ROBO2: variants seen among roughly 807,000 people sequenced by gnomAD.
The protein encoded by ROBO2 is roundabout homolog 2.
In ROBO2, 53 loss-of-function variants were observed where a neutral mutation model predicts 160.8. The ratio of observed to expected loss-of-function variants is 0.33; its 90% CI spans 0.26 to 0.41. The LOEUF is 0.41. Ranked by LOEUF, ROBO2 falls within the 10% of genes least tolerant of loss-of-function variation. The pLI is 1.00. For synonymous variants in ROBO2, 664 were observed against 611.7 expected (o/e 1.09, Z -1.26); for missense variants, 1,577 against 1,722.4 (o/e 0.92, Z 1.49).
intron 2 of ROBO2, among the ~76,000 whole-genome samples, chr3:77,426,991 A>T (rs1443131105): frequency 1.3e-5 from 2 of 152,190 alleles, no homozygotes; most frequent in Non-Finnish European, 2.9e-5. Flanking sequence ...TCCTTTTAAA[A>T]TTTGCTAACA....
chr3:76,560,951 T>C (rs1047910904), intron 2 of ROBO2, among the ~76,000 whole-genome samples: 1 of 145,394 alleles, frequency 6.9e-6, no homozygotes, highest in African/African-American at 2.5e-5. Flanking sequence ...TATATATATA[T>C]ATATATATAT....
chr3:76,863,614 C>T (rs528729190), intron 2 of ROBO2, among the ~76,000 whole-genome samples: 1 of 152,082 alleles, frequency 6.6e-6, no homozygotes, highest in South Asian at 2.1e-4. Flanking sequence ...TATCTGTCTT[C>T]TCTCTTAGAC....
chr3:77,597,213 C>G (rs140108293), intron 19 of ROBO2, among the ~76,000 whole-genome samples: 9 of 151,906 alleles, frequency 5.9e-5, no homozygotes, highest in Non-Finnish European at 1.2e-4. Context: ...TATAATATGT[C>G]ATGTAAGAAA....
At chr3:77,282,556 A>C (rs2060309848) in intron 2 of ROBO2, among the ~76,000 whole-genome samples, 1 of 152,056 alleles carries the variant, frequency 6.6e-6, no homozygotes, top group Admixed American at 6.6e-5. Flanking sequence ...ATAGAAGTAC[A>C]AATTTTGTAT....
chr3:77,468,365 A>T (rs1451790022), intron 2 of ROBO2, among the ~76,000 whole-genome samples: 1 of 152,216 alleles, frequency 6.6e-6, no homozygotes, highest in Non-Finnish European at 1.5e-5. Context: ...TTGCAGTGCC[A>T]CATGTGATCC....
chr3:76,533,472 A>G (rs538742070), intron 2 of ROBO2, among the ~76,000 whole-genome samples: 26 of 152,376 alleles, frequency 1.7e-4, no homozygotes, highest in Middle Eastern at 3.4e-3. Context: ...GATGCACATC[A>G]TATTAGAATT....
chr3:77,003,839 C>G (rs1047576550), intron 2 of ROBO2, among the ~76,000 whole-genome samples: 1 of 152,070 alleles, frequency 6.6e-6, no homozygotes, highest in Non-Finnish European at 1.5e-5. Context: ...GCCACCACGC[C>G]CAGCCGACAT....
At chr3:76,005,113 G>C (rs2065984311) in intron 2 of ROBO2, among the ~76,000 whole-genome samples, 1 of 152,124 alleles carries the variant, frequency 6.6e-6, no homozygotes, top group African/African-American at 2.4e-5. Context: ...TTTGCATCTT[G>C]GATTTTCTGG....
intron 2 of ROBO2, among the ~76,000 whole-genome samples, chr3:76,146,564 T>G (rs537153744): frequency 1.1e-3 from 171 of 151,884 alleles, no homozygotes; most frequent in African/African-American, 4.0e-3. Context: ...TATCTTAAAG[T>G]CAATTTATTG....
chr3:77,049,179 A>T (rs1004649122), intron 1 of ROBO2, among the ~76,000 whole-genome samples: 3 of 152,024 alleles, frequency 2.0e-5, no homozygotes, highest in African/African-American at 7.2e-5. Flanking sequence ...AAAGAAAAAA[A>T]GTTAGCTGGG....
intron 2 of ROBO2, among the ~76,000 whole-genome samples, chr3:76,758,176 A>G (rs918899758): frequency 6.6e-6 from 1 of 151,864 alleles, no homozygotes; most frequent in Non-Finnish European, 1.5e-5. Flanking sequence ...ATGCATTGAC[A>G]AGGAAAATAG....
rs74978426 is a variant in ROBO2 at position 76,618,754 on chromosome 3, T to C, written c.110-479260T>C. ...ATTACATTTAATCACAATTGACGGA[T>C]CCTGATAAAAAGTGAATACATGGAT... On this transcript the variant is annotated intron_variant, in intron 2 of 26. Coordinates refer to the ROBO2 transcript ENST00000487694. Among the ~76,000 whole-genome samples, 1,105 of 151,886 alleles carry C rather than the reference T, an allele frequency of 7.3e-3. 33 individuals carry two copies. Among genetic ancestry groups the C allele is most frequent in the African/African-American group, 0.026 (1,054 of 41,258 alleles).
At chr3:77,004,540 A>G (rs769133749) in intron 2 of ROBO2, among the ~76,000 whole-genome samples, 1 of 152,178 alleles carries the variant, frequency 6.6e-6, no homozygotes, top group Non-Finnish European at 1.5e-5. Flanking sequence ...TGGTATTTCT[A>G]ACTTATCCAG....
chr3:76,850,569 A>T (rs1262198719), intron 2 of ROBO2, among the ~76,000 whole-genome samples: 1 of 152,114 alleles, frequency 6.6e-6, no homozygotes, highest in Non-Finnish European at 1.5e-5. Flanking sequence ...TCCTCATGGG[A>T]ATAAGTTCTA....
intron 2 of ROBO2, chr3:77,317,339 C>T: frequency 1.2e-6 from 1 of 802,708 alleles, no homozygotes; most frequent in South Asian, 1.5e-5. Flanking sequence ...CACGTGCAAG[C>T]TGACCGTCCA....
chr3:77,312,221 T>A (rs1379537351), intron 2 of ROBO2, among the ~76,000 whole-genome samples: 1 of 152,190 alleles, frequency 6.6e-6, no homozygotes, highest in African/African-American at 2.4e-5. Context: ...AGATACTACA[T>A]AAATAAAAAC....
chr3:76,836,316 G>C (rs2067685538), intron 2 of ROBO2, among the ~76,000 whole-genome samples: 1 of 151,536 alleles, frequency 6.6e-6, no homozygotes, highest in African/African-American at 2.4e-5. Flanking sequence ...ACAATGACTT[G>C]TTCAATTAAA....
At chr3:77,075,305 A>G (rs1475010581) in intron 1 of ROBO2, among the ~76,000 whole-genome samples, 1 of 152,216 alleles carries the variant, frequency 6.6e-6, no homozygotes, top group Non-Finnish European at 1.5e-5. Flanking sequence ...GGGATACTTC[A>G]GATGAAAATA....
intron 4 of ROBO2, among the ~76,000 whole-genome samples, chr3:77,492,418 T>A (rs2086240651): frequency 6.6e-6 from 1 of 152,194 alleles, no homozygotes; most frequent in Non-Finnish European, 1.5e-5. Context: ...GGATACAGAC[T>A]TATTTTTCTC....
Sources: allele counts gnomAD v4.1 joint callset (sites outside exome capture counted in the v4.1 genomes callset), GRCh38; gene constraint gnomAD v4.1.1; transcripts MANE v1.5; gene names NCBI Gene and HGNC (gene_info 2026-07-23, HGNC 2026-07-21).